Variants in NRG1 observed in about 807,000 individuals in gnomAD.
NRG1 encodes the protein pro-neuregulin-1, membrane-bound isoform.
Under a neutral mutation model 63.8 loss-of-function variants are expected in NRG1, and 18 were observed. That is an observed-to-expected ratio of 0.28 (90% CI 0.19 to 0.42). NRG1 has a LOEUF of 0.42. NRG1 is among the 10% of genes least tolerant of loss of function. NRG1 has a pLI of 1.00. For missense variants in NRG1, 762 were observed against 814.7 expected (o/e 0.94, Z 0.79); for synonymous variants, 302 against 301.3 (o/e 1.00, Z -0.02).
chr8:31,942,386 T>C (rs549320541), intron 1 of NRG1, among the ~76,000 whole-genome samples: 1 of 152,150 alleles, frequency 6.6e-6, no homozygotes, highest in African/African-American at 2.4e-5. Flanking sequence ...AAAAATCAAC[T>C]CAAGATGGAT....
intron 1 of NRG1, chr8:31,639,504 G>C: frequency 4.6e-6 from 7 of 1,521,092 alleles, no homozygotes; most frequent in Non-Finnish European, 6.2e-6. Flanking sequence ...ACGCAACTCC[G>C]CCTCCAGGGC....
chr8:31,988,277 A>T (rs996697696), intron 1 of NRG1, among the ~76,000 whole-genome samples: 1 of 152,010 alleles, frequency 6.6e-6, no homozygotes, highest in Non-Finnish European at 1.5e-5. Flanking sequence ...TTGACACTTA[A>T]TTTTCAGAGT....
At chr8:31,871,944 A>T (rs1829525146) in intron 1 of NRG1, among the ~76,000 whole-genome samples, 1 of 152,128 alleles carries the variant, frequency 6.6e-6, no homozygotes, top group African/African-American at 2.4e-5. Context: ...TTTTACTTTG[A>T]TCCTGTTTTG....
At chr8:31,793,359 A>G (rs1267776453) in intron 1 of NRG1, among the ~76,000 whole-genome samples, 1 of 152,210 alleles carries the variant, frequency 6.6e-6, no homozygotes, top group Non-Finnish European at 1.5e-5. Context: ...GAAACACCTG[A>G]TAGAATTGAG....
At chr8:31,639,666 C>G in intron 1 of NRG1, 19 of 1,375,112 alleles carry the variant, frequency 1.4e-5, no homozygotes, top group Non-Finnish European at 1.8e-5. Context: ...GGCTCGGGCG[C>G]GGCGGCGGCG....
rs563387834 is a variant in NRG1 at position 31,963,076 on chromosome 8, T to C, written c.37+323645T>C. On this transcript the variant is annotated intron_variant, in intron 1 of 10. Coordinates refer to the NRG1 transcript ENST00000519301. The stretch of plus-strand genomic sequence containing the variant: ...CTTGGAGGGATGTTCTAGATCTCCA[T>C]TGAATGTGCTCACTGAGATTTGTCT... 2.0e-4 allele frequency among the ~76,000 whole-genome samples: 30 copies of C among 152,332 alleles called. 1 individual carries two copies. Among genetic ancestry groups the C allele is most frequent in the Middle Eastern group, 3.4e-3 (1 of 294 alleles).
At chr8:31,665,170 A>C (rs1806399791) in intron 1 of NRG1, among the ~76,000 whole-genome samples, 1 of 152,242 alleles carries the variant, frequency 6.6e-6, no homozygotes, top group South Asian at 2.1e-4. Context: ...ACCCTGGAAA[A>C]ACCCTATCAC....
chr8:32,272,338 G>C (rs1159858471), intron 1 of NRG1, among the ~76,000 whole-genome samples: 1 of 152,094 alleles, frequency 6.6e-6, no homozygotes, highest in African/African-American at 2.4e-5. Flanking sequence ...TCCATCATGG[G>C]GGCCCAACCC....
At chr8:31,676,469 CA>C (rs1807711797) in intron 1 of NRG1, among the ~76,000 whole-genome samples, 1 of 152,170 alleles carries the variant, frequency 6.6e-6, no homozygotes, top group Non-Finnish European at 1.5e-5. Context: ...TTTTCCATTT[CA>C]TTCCCTATGG....
intron 11 of NRG1, among the ~76,000 whole-genome samples, chr8:32,761,353 T>C (rs939579298): frequency 1.3e-5 from 2 of 152,144 alleles, no homozygotes; most frequent in African/African-American, 4.8e-5. Context: ...TCCATACTTA[T>C]GTGGTAGTTA....
At chr8:31,647,562 C>T (rs1409202635) in intron 1 of NRG1, among the ~76,000 whole-genome samples, 1 of 152,222 alleles carries the variant, frequency 6.6e-6, no homozygotes, top group Non-Finnish European at 1.5e-5. Flanking sequence ...GCTGTGTTTG[C>T]TTCACATAGA....
At chr8:31,677,210 T>C (rs1248217236) in intron 1 of NRG1, among the ~76,000 whole-genome samples, 1 of 152,216 alleles carries the variant, frequency 6.6e-6, no homozygotes, top group African/African-American at 2.4e-5. Flanking sequence ...ACATCGCTTT[T>C]GATAATAATT....
At chr8:32,621,992 A>T (rs1848420012) in intron 5 of NRG1, among the ~76,000 whole-genome samples, 1 of 152,210 alleles carries the variant, frequency 6.6e-6, no homozygotes, top group African/African-American at 2.4e-5. Flanking sequence ...ATTCAAGTAA[A>T]TGACTTGTCT....
At position 32,742,049 on chromosome 8, in the gene NRG1, TGCCC is replaced by T; in HGVS notation, c.633-625_633-622del. The T allele has an allele frequency of 1.9e-6, 3 of 1,613,742 alleles. No individual in the cohort carries two copies. Among genetic ancestry groups the T allele is most frequent in the Non-Finnish European group, 2.5e-6 (3 of 1,179,778 alleles). On this transcript the variant is annotated intron_variant, in intron 6 of 11. Coordinates refer to ENST00000356819, the Ensembl canonical transcript of NRG1. The surrounding 1 kb of genome is among the most constrained non-coding windows in gnomAD (Gnocchi z 4.2). ...ACTGGAGCAAGATGTACTGAGAATG[TGCCC>T]ATGAAAGTCCAAAACCAAGAAAGTA...
At chr8:32,566,755 G>A (rs1020097939) in intron 1 of NRG1, among the ~76,000 whole-genome samples, 49 of 152,186 alleles carry the variant, frequency 3.2e-4, no homozygotes, top group African/African-American at 1.1e-3. Context: ...AGTCATTAAG[G>A]AGCTAAAAAT....
intron 1 of NRG1, among the ~76,000 whole-genome samples, chr8:32,540,516 T>C (rs759426045): frequency 7.2e-5 from 11 of 152,210 alleles, no homozygotes; most frequent in Non-Finnish European, 1.6e-4. Flanking sequence ...AACTTTCTTC[T>C]TCCACCTACA....
intron 1 of NRG1, among the ~76,000 whole-genome samples, chr8:31,896,098 G>T (rs915845185): frequency 1.3e-5 from 2 of 152,130 alleles, no homozygotes; most frequent in African/African-American, 4.8e-5. Flanking sequence ...AACCCAGCCA[G>T]GAATCACTAG....
At chr8:32,167,925 T>A (rs1292065071) in intron 1 of NRG1, among the ~76,000 whole-genome samples, 1 of 152,214 alleles carries the variant, frequency 6.6e-6, no homozygotes, top group African/African-American at 2.4e-5. Context: ...AATGGCTTTA[T>A]CATCTGTGAG....
chr8:32,220,409 A>G (rs1845686509), intron 1 of NRG1, among the ~76,000 whole-genome samples: 1 of 152,024 alleles, frequency 6.6e-6, no homozygotes, highest in African/African-American at 2.4e-5. Context: ...CAGCCTGCAT[A>G]ATATAAGGGA....
Sources: gnomAD v4.1 joint callset for allele counts (sites outside exome capture counted in the v4.1 genomes callset) on GRCh38, gnomAD v4.1.1 for gene constraint, Gnocchi (gnomAD v3.1) non-coding constraint, MANE v1.5 for transcripts, NCBI Gene and HGNC (gene_info 2026-07-23, HGNC 2026-07-21) for gene names.